Variants in MARCO observed in about 807,000 individuals in gnomAD.
MARCO encodes the protein macrophage receptor with collagenous structure, also known as macrophage receptor MARCO.
Under a neutral mutation model 70.0 loss-of-function variants are expected in MARCO, and 72 were observed. The observed-to-expected ratio is 1.03, with a 90% CI of 0.85 to 1.25. MARCO has a LOEUF of 1.25. Among genes scored for constraint, MARCO ranks in the 50% most tolerant of loss-of-function variants. MARCO has a pLI of 0.00. For synonymous variants in MARCO, 273 were observed against 243.1 expected, an observed-to-expected ratio of 1.12 and a Z score of -1.14; for missense variants, 696 against 659.3, an observed-to-expected ratio of 1.06 and a Z score of -0.61.
intron 1 of MARCO, chr2:118,944,868 T>C (rs1326061533): frequency 2.0e-5 from 3 of 152,182 alleles, no homozygotes; most frequent in African/African-American, 7.2e-5. Context: ...TGCCATCACC[T>C]CCAGCCTCCC....
intron 12 of MARCO, among the ~76,000 whole-genome samples, chr2:118,989,540 G>A (rs569651945): frequency 7.2e-5 from 11 of 152,156 alleles, no homozygotes; most frequent in Non-Finnish European, 1.6e-4. Context: ...TCTCTTGCTC[G>A]TTATTCCAAG....
intron 16 of MARCO, 74 bp downstream of exon 16, chr2:118,993,374 G>A (rs1033845998): frequency 6.9e-6 from 10 of 1,450,846 alleles, no homozygotes; most frequent in Non-Finnish European, 9.6e-6. Flanking sequence ...TGGGGTGTTG[G>A]CAAGTGACTC....
intron 4 of MARCO, among the ~76,000 whole-genome samples, chr2:118,973,178 T>A (rs1024110506): frequency 6.6e-6 from 1 of 151,566 alleles, no homozygotes; most frequent in Non-Finnish European, 1.5e-5. Context: ...TATAGATGTA[T>A]GTACACAGAG....
At chr2:118,960,383 G>A (rs1679919862) in intron 1 of MARCO, among the ~76,000 whole-genome samples, 1 of 152,090 alleles carries the variant, frequency 6.6e-6, no homozygotes, top group South Asian at 2.1e-4. Flanking sequence ...TAAGTATGAT[G>A]TTAGCTTTAG....
chr2:118,983,639 A>G, intron 12 of MARCO, among the ~76,000 whole-genome samples: 1 of 151,994 alleles, frequency 6.6e-6, no homozygotes, highest in East Asian at 1.9e-4. Flanking sequence ...GATGTTCCTG[A>G]CTTGTTCACT....
Position 118,942,379 on chromosome 2 carries a change from G to GTGAAC in MARCO, c.79_80insTGAAC (p.Glu27ValfsTer18). 1 of 1,613,086 alleles carries GTGAAC rather than the reference G, an allele frequency of 6.2e-7. No homozygotes were observed. The highest frequency in any genetic ancestry group is 8.5e-7 in the Non-Finnish European group (1 of 1,179,152). ...AGCTGCTTTTCACCAAATTGCAATG[G>GTGAAC]AGCCTTTCGAAATCAATGGTAAAGT... On this transcript the variant is annotated frameshift_variant, in exon 1 of 17. Coordinates refer to ENST00000327097, the MANE Select transcript of MARCO (RefSeq NM_006770.4). LOFTEE classifies it high-confidence loss of function.
chr2:118,977,935 G>A lies in MARCO; in HGVS notation c.766G>A (p.Gly256Arg). The A allele has an allele frequency of 6.3e-7, 1 of 1,591,964 alleles. No homozygotes were observed. Among genetic ancestry groups the A allele is most frequent in the Non-Finnish European group, 8.6e-7 (1 of 1,166,192 alleles). ...KGEKGDLGLP[G>R]SKGDRGMKGD... ...AGAGAAAGGAGACCTGGGTCTCCCA[G>A]GTGAGGGCCGTATTGGGGGTGTCGG... Residue 256 changes from glycine to arginine, a missense_variant and splice_region_variant, in exon 8 of 17, where the codon GGA becomes AGA. Physicochemically the swap from Gly to Arg is moderately radical, Grantham distance 125. Around this residue, in one of 3 missense-constraint regions of MARCO, gnomAD observed 605 missense variants for 537.6 expected, o/e 1.13. Coordinates refer to ENST00000327097, the MANE Select transcript of MARCO (RefSeq NM_006770.4).
rs1680522216 is a variant in MARCO at position 118,986,726 on chromosome 2, G to GAAAGAAAGAAAGA, written c.1064-3862_1064-3850dup. On this transcript the variant is annotated intron_variant, in intron 12 of 16. Coordinates refer to ENST00000327097, the MANE Select transcript of MARCO (RefSeq NM_006770.4). ...GAAAGAAAGAAAGAAAGAAAGAAAA[G>GAAAGAAAGAAAGA]AAAGAAAGAAAGAGAAAGAAAGAGA... Among the ~76,000 whole-genome samples, 20 of 107,812 alleles carry GAAAGAAAGAAAGA rather than the reference G, an allele frequency of 1.9e-4. 3 individuals are homozygous for GAAAGAAAGAAAGA. The highest frequency in any genetic ancestry group is 6.9e-4 in the African/African-American group (15 of 21,862). 70.7% of individuals were successfully genotyped at this position (107,812 alleles called of 152,430 possible). A position where few individuals can be genotyped will look rare whatever the true frequency, so the allele number is the denominator to read the frequency against.
intron 1 of MARCO, among the ~76,000 whole-genome samples, chr2:118,953,416 G>A (rs1193055641): frequency 6.6e-6 from 1 of 152,228 alleles, no homozygotes; most frequent in African/African-American, 2.4e-5. Flanking sequence ...GTGATTGTCA[G>A]TTCTATTATG....
intron 12 of MARCO, 115 bp from the exon 13 acceptor site, chr2:118,990,474 T>A (rs1680599287): frequency 1.0e-6 from 1 of 976,122 alleles, no homozygotes; most frequent in Admixed American, 2.1e-5. Context: ...GGAGAACCAA[T>A]GTATCTTTCC....
In MARCO at chr2:118,986,688, A is replaced by AAG. The variant is rs1558671856; in HGVS notation, c.1064-3901_1064-3900insAG. 3.4e-4 allele frequency among the ~76,000 whole-genome samples: 27 copies of AAG among 80,378 alleles called. 1 individual carries two copies. The highest frequency in any genetic ancestry group is 2.8e-3 in the East Asian group (5 of 1,772). 52.7% of individuals were successfully genotyped at this position (80,378 alleles called of 152,430 possible). ...AGGAAGGAAGGAAAGAAAGAAAGAAAGAAAGAAAGAAAGAAAGAAAGAAAG... is the reference window on the plus strand; with the variant it reads ...AGGAAGGAAGGAAAGAAAGAAAGAAAAGGAAAGAAAGAAAGAAAGAAAGAAAG... On this transcript the variant is annotated intron_variant, in intron 12 of 16. Transcript: ENST00000327097.
At chr2:118,952,816 T>A (rs1679749442) in intron 1 of MARCO, 1 of 152,106 alleles carries the variant, frequency 6.6e-6, no homozygotes, top group Non-Finnish European at 1.5e-5. Context: ...GGAGAATGTA[T>A]CCCCATACGA....
intron 12 of MARCO, among the ~76,000 whole-genome samples, chr2:118,986,489 C>T (rs898902359): frequency 1.4e-5 from 2 of 145,934 alleles, no homozygotes; most frequent in African/African-American, 5.0e-5. Context: ...CACTGCACTC[C>T]AGCCTGAGCA....
chr2:118,992,959 T>G (rs1573413120), intron 15 of MARCO, 165 bp from the exon 16 acceptor site: 1 of 629,978 alleles, frequency 1.6e-6, no homozygotes, highest in East Asian at 2.8e-5. Context: ...GCGTGCCAGG[T>G]TGGGTTGGCA....
At chr2:118,988,028 T>A (rs1296940962) in intron 12 of MARCO, among the ~76,000 whole-genome samples, 1 of 152,218 alleles carries the variant, frequency 6.6e-6, no homozygotes, top group African/African-American at 2.4e-5. Flanking sequence ...TTATGTGACC[T>A]TGAATTACTC....
Position 118,992,414 on chromosome 2 carries a change from G to T in MARCO, c.1208-18G>T. ...CCTGGGTTTCTTTCAAACCGTGTGG[G>T]TTTTCTCCTCATGACAGGATCTTCT... On this transcript the variant is annotated intron_variant, in intron 14 of 16. Coordinates refer to ENST00000327097, the MANE Select transcript of MARCO (RefSeq NM_006770.4). The T allele has an allele frequency of 6.2e-7, 1 of 1,612,916 alleles. No homozygotes were observed. The highest frequency in any genetic ancestry group is 1.3e-5 in the African/African-American group (1 of 75,000).
rs529345815 is a variant in MARCO, at chr2:118,980,453, T to A, written c.767-956T>A. On this transcript the variant is annotated intron_variant, in intron 8 of 16. Coordinates refer to ENST00000327097, the MANE Select transcript of MARCO (RefSeq NM_006770.4). ...CCAGGGCTCTCCCTTCTTCCTCACCTCTTCAGAGCTCTCTCTCCCCTTTTC... is the reference window on the plus strand; with the variant it reads ...CCAGGGCTCTCCCTTCTTCCTCACCACTTCAGAGCTCTCTCTCCCCTTTTC... Among the ~76,000 whole-genome samples, 253 of 152,300 alleles carry A rather than the reference T, an allele frequency of 1.7e-3. 1 individual carries two copies. Among genetic ancestry groups the A allele is most frequent in the African/African-American group, 5.8e-3 (239 of 41,554 alleles).
intron 1 of MARCO, among the ~76,000 whole-genome samples, chr2:118,965,843 C>T (rs908350030): frequency 6.6e-6 from 1 of 152,206 alleles, no homozygotes; most frequent in Non-Finnish European, 1.5e-5. Context: ...TGGTCCCCTG[C>T]TGGTCCTTCC....
At chr2:118,994,051 A>G (rs1680674230) in intron 16 of MARCO, among the ~76,000 whole-genome samples, 1 of 152,250 alleles carries the variant, frequency 6.6e-6, no homozygotes, top group Non-Finnish European at 1.5e-5. Context: ...AGGTGGACGC[A>G]GCAGGAGTGA....
Sources: allele counts gnomAD v4.1 joint callset (sites outside exome capture counted in the v4.1 genomes callset), GRCh38; gene constraint gnomAD v4.1.1; regional missense constraint gnomAD v4.1.1; transcripts MANE v1.5; gene names NCBI Gene and HGNC (gene_info 2026-07-23, HGNC 2026-07-21).